The following NDFIP1 variants were observed in gnomAD, a reference collection of about 807,000 sequenced individuals.
NDFIP1 encodes NEDD4 family-interacting protein 1.
NDFIP1 carries 7 observed loss-of-function variants against 28.8 expected under a neutral mutation model. The observed-to-expected ratio is 0.24, with a 90% CI of 0.14 to 0.46. NDFIP1 has a LOEUF of 0.46. Among genes scored for constraint, NDFIP1 ranks in the 20% least tolerant of loss-of-function variants. NDFIP1 has a pLI of 0.99. For missense variants in NDFIP1, 194 were observed against 269.1 expected (o/e 0.72, Z 1.95); for synonymous variants, 92 against 101.0 (o/e 0.91, Z 0.53).
chr5:142,124,149 T>C (rs1369363596), intron 1 of NDFIP1, among the ~76,000 whole-genome samples: 2 of 152,172 alleles, frequency 1.3e-5, no homozygotes, highest in Non-Finnish European at 2.9e-5. Context: ...ATTATTTGCT[T>C]GATAATATCT....
At chr5:142,116,283 T>A (rs1757066167) in intron 1 of NDFIP1, among the ~76,000 whole-genome samples, 1 of 152,226 alleles carries the variant, frequency 6.6e-6, no homozygotes, top group African/African-American at 2.4e-5. Context: ...AATATTTTCT[T>A]ATTAATGCAG....
In NDFIP1 at chr5:142,154,331, C is replaced by T. The variant is rs2126926839; in HGVS notation, c.*2603C>T. Reference sequence around the variant, plus strand: ...TAACTTCTTGTTGCCATTTGAAACTCTGTACTCTTATGTTTAAAGGGTTCT... The same window carrying T: ...TAACTTCTTGTTGCCATTTGAAACTTTGTACTCTTATGTTTAAAGGGTTCT... On this transcript the variant is annotated 3_prime_UTR_variant, in exon 8 of 8. Coordinates refer to ENST00000253814, the MANE Select transcript of NDFIP1 (RefSeq NM_030571.4). 1 of 152,132 alleles carries T rather than the reference C, an allele frequency of 6.6e-6. No individual in the cohort carries two copies. Among genetic ancestry groups the T allele is most frequent in the African/African-American group, 2.4e-5 (1 of 41,412 alleles). The allele number at this position is 152,132 out of a possible 1,614,324, so 9.4% of individuals were successfully genotyped here.
chr5:142,117,023 A>G (rs1298893980), intron 1 of NDFIP1, among the ~76,000 whole-genome samples: 3 of 151,548 alleles, frequency 2.0e-5, no homozygotes, highest in African/African-American at 4.9e-5. Context: ...TATGTATAAT[A>G]TATTTCTTAT....
intron 1 of NDFIP1, among the ~76,000 whole-genome samples, chr5:142,114,130 A>G (rs1000276532): frequency 6.6e-6 from 1 of 152,146 alleles, no homozygotes; most frequent in South Asian, 2.1e-4. Flanking sequence ...AAACTCCCAT[A>G]CTGTTTTCCA....
chr5:142,116,558 G>A (rs1264367064), intron 1 of NDFIP1, among the ~76,000 whole-genome samples: 2 of 151,856 alleles, frequency 1.3e-5, no homozygotes, highest in Non-Finnish European at 2.9e-5. Context: ...TAGTAGAGGT[G>A]GGGTTTCACC....
chr5:142,132,406 C>G, intron 3 of NDFIP1, 64 bp downstream of exon 3: 1 of 1,551,592 alleles, frequency 6.4e-7, no homozygotes, highest in Non-Finnish European at 8.7e-7. Context: ...TTTCATTATC[C>G]AATTTTGATT....
chr5:142,134,073 A>G (rs1757251339), intron 3 of NDFIP1: 5 of 152,252 alleles, frequency 3.3e-5, no homozygotes, highest in Admixed American at 3.3e-4. Context: ...GAAGGGAGAT[A>G]GAAAGTCCTG....
intron 6 of NDFIP1, 161 bp from the exon 7 acceptor site, chr5:142,144,410 T>G (rs1757367292): frequency 6.8e-6 from 4 of 588,776 alleles, no homozygotes; most frequent in Non-Finnish European, 1.2e-5. Flanking sequence ...GATGGATAAT[T>G]TGGTATGAAA....
chr5:142,140,910 T>C (rs536203856), intron 6 of NDFIP1, among the ~76,000 whole-genome samples: 2 of 152,308 alleles, frequency 1.3e-5, no homozygotes, highest in South Asian at 4.1e-4. Flanking sequence ...GACTCTGTAG[T>C]CTGTCAGTTT....
chr5:142,114,806 C>G (rs1274768341), intron 1 of NDFIP1, among the ~76,000 whole-genome samples: 1 of 152,172 alleles, frequency 6.6e-6, no homozygotes, highest in Non-Finnish European at 1.5e-5. Flanking sequence ...TCACTCTTGC[C>G]AAGCCTCATG....
At chr5:142,123,865 C>T (rs945410408) in intron 1 of NDFIP1, among the ~76,000 whole-genome samples, 2 of 152,108 alleles carry the variant, frequency 1.3e-5, no homozygotes, top group South Asian at 4.1e-4. Flanking sequence ...TGAGCTAAGC[C>T]TGAATTTTCT....
intron 6 of NDFIP1, among the ~76,000 whole-genome samples, chr5:142,142,442 C>T (rs761493177): frequency 2.0e-5 from 3 of 152,232 alleles, no homozygotes; most frequent in East Asian, 1.9e-4. Flanking sequence ...GCTGACCACC[C>T]GTGTTTCCCC....
At chr5:142,148,104 T>C (rs914209016) in intron 7 of NDFIP1, among the ~76,000 whole-genome samples, 2 of 152,214 alleles carry the variant, frequency 1.3e-5, no homozygotes, top group African/African-American at 2.4e-5. Context: ...AAAATAACTT[T>C]ACCAAAACAG....
rs148270558 is a variant in NDFIP1, at chr5:142,111,441, C to T, written c.63+2404C>T. Among the ~76,000 whole-genome samples the T allele has an allele frequency of 1.8e-4, 27 of 152,054 alleles. No individual in the cohort carries two copies. In the East Asian group the frequency reaches 5.2e-3, roughly 29 times the overall value. ...TTTTCATTGAAATTTATTTCACATA[C>T]GTCTTCAACCGTTTCCTTAGCATAA... On this transcript the variant is annotated intron_variant, in intron 1 of 7. Coordinates refer to ENST00000253814, the MANE Select transcript of NDFIP1 (RefSeq NM_030571.4).
At chr5:142,129,539 G>T (rs1323339067) in intron 1 of NDFIP1, among the ~76,000 whole-genome samples, 1 of 152,198 alleles carries the variant, frequency 6.6e-6, no homozygotes, top group African/African-American at 2.4e-5. Flanking sequence ...GAATTCATTT[G>T]AAATTGAAGC....
intron 3 of NDFIP1, among the ~76,000 whole-genome samples, 186 bp from the exon 4 acceptor site, chr5:142,135,544 T>G (rs1036397999): frequency 1.3e-4 from 20 of 152,212 alleles, no homozygotes; most frequent in Admixed American, 1.3e-3. Context: ...GAAGAAAGAT[T>G]TGCTTCTTTT....
chr5:142,144,873 A>G (rs2126923126), intron 7 of NDFIP1, among the ~76,000 whole-genome samples, 197 bp downstream of exon 7: 1 of 152,356 alleles, frequency 6.6e-6, no homozygotes, highest in East Asian at 1.9e-4. Flanking sequence ...AATTAGAAAA[A>G]CTGCCATAGG....
chr5:142,143,116 GTTAGCC>G (rs915051690), intron 6 of NDFIP1: 1 of 151,654 alleles, frequency 6.6e-6, no homozygotes, highest in Non-Finnish European at 1.5e-5. Context: ...TTGAGCTATA[GTTAGCC>G]TATAGTTTAT....
At chr5:142,135,842 C>T (rs774666912) in intron 4 of NDFIP1, 25 bp downstream of exon 4, 12 of 1,533,274 alleles carry the variant, frequency 7.8e-6, no homozygotes, top group Non-Finnish European at 1.1e-5. Context: ...ATATCAGAAC[C>T]ACCCCCTACA....
Sources: gnomAD v4.1 joint callset for allele counts (sites outside exome capture counted in the v4.1 genomes callset) on GRCh38, gnomAD v4.1.1 for gene constraint, MANE v1.5 for transcripts, NCBI Gene and HGNC (gene_info 2026-07-23, HGNC 2026-07-21) for gene names.